The following CSMD1 variants were observed in gnomAD, a reference collection of about 807,000 sequenced individuals.
CSMD1 encodes the protein CUB and sushi domain-containing protein 1.
In CSMD1, 213 loss-of-function variants were observed where a neutral mutation model predicts 417.5. That is an observed-to-expected ratio of 0.51 (90% CI 0.46 to 0.57). The LOEUF (loss-of-function observed/expected upper bound fraction) is 0.57. CSMD1 is among the 20% of genes least tolerant of loss of function. The pLI is 0.00. For missense variants in CSMD1, 6,923 were observed against 4,529.7 expected (o/e 1.53, Z -15.17); for synonymous variants, 2,862 against 1,736.8 (o/e 1.65, Z -16.11).
intron 25 of CSMD1, among the ~76,000 whole-genome samples, chr8:3,292,524 A>G (rs996248158): frequency 2.6e-5 from 4 of 152,172 alleles, no homozygotes; most frequent in Admixed American, 1.3e-4. Flanking sequence ...TATTGGGTAC[A>G]TATATATTTA....
At chr8:4,558,639 G>C (rs983611608) in intron 2 of CSMD1, among the ~76,000 whole-genome samples, 4 of 152,162 alleles carry the variant, frequency 2.6e-5, no homozygotes, top group Non-Finnish European at 5.9e-5. Context: ...GGCTGAGGCA[G>C]CTGGATCATC....
At chr8:3,569,580 C>G (rs1272566685) in intron 10 of CSMD1, among the ~76,000 whole-genome samples, 2 of 152,188 alleles carry the variant, frequency 1.3e-5, no homozygotes, top group East Asian at 3.9e-4. Flanking sequence ...TCTTCACATC[C>G]AAAATGCTTC....
At chr8:3,659,181 C>G (rs1282600137) in intron 7 of CSMD1, among the ~76,000 whole-genome samples, 1 of 152,126 alleles carries the variant, frequency 6.6e-6, no homozygotes, top group Non-Finnish European at 1.5e-5. Flanking sequence ...TTCTACGAAG[C>G]AAAATTGTAT....
chr8:4,917,023 A>C (rs182932067), intron 1 of CSMD1, among the ~76,000 whole-genome samples: 7 of 152,256 alleles, frequency 4.6e-5, no homozygotes, highest in African/African-American at 1.7e-4. Flanking sequence ...ACCACCTGAG[A>C]CTGGGTAATT....
At chr8:4,425,611 C>G (rs1297054729) in intron 2 of CSMD1, among the ~76,000 whole-genome samples, 9 of 152,106 alleles carry the variant, frequency 5.9e-5, no homozygotes, top group Non-Finnish European at 1.5e-5. Flanking sequence ...TGTGAGTATC[C>G]TTTCCATGAG....
In CSMD1 at chr8:3,802,779, G is replaced by A. The variant is rs577099185; in HGVS notation, c.819-48737C>T. 1.3e-4 allele frequency among the ~76,000 whole-genome samples: 20 copies of A among 152,172 alleles called. No homozygotes were observed. In the South Asian group the frequency reaches 4.2e-3, roughly 32 times the overall value. On this transcript the variant is annotated intron_variant, in intron 5 of 69. Coordinates refer to ENST00000635120, the MANE Select transcript of CSMD1 (RefSeq NM_033225.6). ...CAAATGCTTGAAAATTTAAAGCTTA[G>A]CTCCCTTTGCTTTAACTAAAGAAAT...
intron 50 of CSMD1, among the ~76,000 whole-genome samples, chr8:3,037,287 G>A (rs1810751212): frequency 6.7e-6 from 1 of 148,336 alleles, no homozygotes; most frequent in Non-Finnish European, 1.5e-5. Context: ...CTCACTGCAA[G>A]CTCCGCCTCC....
intron 3 of CSMD1, among the ~76,000 whole-genome samples, chr8:4,172,556 G>A (rs559758049): frequency 6.6e-6 from 1 of 151,922 alleles, no homozygotes; most frequent in African/African-American, 2.4e-5. Context: ...TGGAAAGTGA[G>A]GCTCCACAAA....
chr8:4,032,164 G>T, intron 3 of CSMD1, 65 bp from the exon 4 acceptor site: 3 of 1,162,102 alleles, frequency 2.6e-6, no homozygotes, highest in Non-Finnish European at 3.7e-6. Context: ...CCACTTATAA[G>T]ATAAAACAGA....
chr8:4,179,996 C>T (rs1051101000), intron 3 of CSMD1, among the ~76,000 whole-genome samples: 2 of 152,008 alleles, frequency 1.3e-5, no homozygotes, highest in African/African-American at 4.8e-5. Flanking sequence ...TAAACTAATT[C>T]AACCATTGTG....
intron 3 of CSMD1, among the ~76,000 whole-genome samples, chr8:4,110,394 A>T (rs1319851865): frequency 2.6e-5 from 4 of 152,172 alleles, no homozygotes. Flanking sequence ...CAGCCAGCAG[A>T]AAGAGTCAAA....
intron 26 of CSMD1, among the ~76,000 whole-genome samples, chr8:3,266,077 A>G (rs1801408493): frequency 6.6e-6 from 1 of 151,994 alleles, no homozygotes; most frequent in Admixed American, 6.6e-5. Context: ...TTATGAATCC[A>G]TGTCCATGCC....
chr8:3,091,620 T>C lies in CSMD1; in HGVS notation c.7181A>G (p.Asn2394Ser). 1 of 1,612,016 alleles carries C rather than the reference T, an allele frequency of 6.2e-7. No homozygotes were observed. The highest frequency in any genetic ancestry group is 2.2e-5 in the East Asian group (1 of 44,760). ...QSPLLVVLSG[N>S]HTEQSNFTSR... Reference sequence around the variant, plus strand: ...TGTAAAATTTGATTGTTCAGTATGATTCCCACTTAAGACTACTAGCAGAGG... The same window carrying C: ...TGTAAAATTTGATTGTTCAGTATGACTCCCACTTAAGACTACTAGCAGAGG... Residue 2394 changes from asparagine to serine, a missense_variant, in exon 48 of 70, where the codon AAT becomes AGT. Transcript: ENST00000635120.
chr8:4,913,448 T>C (rs1176797277), intron 1 of CSMD1, among the ~76,000 whole-genome samples: 1 of 152,182 alleles, frequency 6.6e-6, no homozygotes, highest in Non-Finnish European at 1.5e-5. Context: ...CTTCACTGAA[T>C]GCTATTAATG....
intron 1 of CSMD1, among the ~76,000 whole-genome samples, chr8:4,789,764 T>C (rs1328059806): frequency 9.3e-5 from 14 of 150,552 alleles, no homozygotes; most frequent in Non-Finnish European, 2.1e-4. Flanking sequence ...TAGTAAATTT[T>C]TTAAGTTATC....
chr8:4,781,876 T>C (rs575595164), intron 1 of CSMD1, among the ~76,000 whole-genome samples: 4 of 152,310 alleles, frequency 2.6e-5, no homozygotes, highest in East Asian at 3.9e-4. Flanking sequence ...GTCAGGAACA[T>C]GGAGTGACTT....
At chr8:4,049,119 A>T (rs1798293331) in intron 3 of CSMD1, among the ~76,000 whole-genome samples, 1 of 151,928 alleles carries the variant, frequency 6.6e-6, no homozygotes, top group South Asian at 2.1e-4. Flanking sequence ...ACATTCTTTT[A>T]TTTTTACAGC....
chr8:3,733,979 G>A (rs1002439377), intron 6 of CSMD1, among the ~76,000 whole-genome samples: 2 of 152,124 alleles, frequency 1.3e-5, no homozygotes, highest in Non-Finnish European at 2.9e-5. Context: ...AAGGATAAGG[G>A]GGGGATGTCT....
At chr8:3,837,396 A>G (rs1183966441) in intron 5 of CSMD1, among the ~76,000 whole-genome samples, 1 of 152,164 alleles carries the variant, frequency 6.6e-6, no homozygotes, top group African/African-American at 2.4e-5. Context: ...TTGAAGTAGC[A>G]TGCACTTTGA....
Sources: allele counts gnomAD v4.1 joint callset (sites outside exome capture counted in the v4.1 genomes callset), GRCh38; gene constraint gnomAD v4.1.1; transcripts MANE v1.5; gene names NCBI Gene and HGNC (gene_info 2026-07-23, HGNC 2026-07-21).